The following DHRSX variants were observed in gnomAD, a reference collection of about 807,000 sequenced individuals.
DHRSX encodes the protein dehydrogenase/reductase X-linked.
DHRSX carries 31 observed loss-of-function variants against 34.0 expected under a neutral mutation model. The observed-to-expected ratio is 0.91, with a 90% CI of 0.69 to 1.23. The LOEUF is 1.23. DHRSX is among the 50% of genes most tolerant of loss of function. The pLI, the probability that DHRSX is intolerant of heterozygous loss-of-function variation, is 0.00. For missense variants in DHRSX, 414 were observed against 428.1 expected (o/e 0.97, Z 0.29); for synonymous variants, 201 against 183.8 (o/e 1.09, Z -0.76).
intron 6 of DHRSX, among the ~76,000 whole-genome samples, chrX:2,231,707 TTCC>T (rs1413566720): frequency 9.3e-5 from 14 of 149,844 alleles, no homozygotes; most frequent in Middle Eastern, 6.3e-3. Context: ...TCACTCTCTA[TTCC>T]TCTTTTTTTC....
intron 1 of DHRSX, among the ~76,000 whole-genome samples, chrX:2,469,261 C>T (rs1462563606): frequency 4.1e-5 from 6 of 146,838 alleles, no homozygotes; most frequent in Middle Eastern, 4.0e-3. Context: ...CCTAAGCATG[C>T]GGCCAAGGGA....
At chrX:2,264,714 C>T (rs1174071767) in intron 5 of DHRSX, among the ~76,000 whole-genome samples, 1 of 150,514 alleles carries the variant, frequency 6.6e-6, no homozygotes, top group African/African-American at 2.5e-5. Context: ...ACACAGAGAG[C>T]AGTGTGCCCA....
chrX:2,485,582 AGGAG>A (rs1487358829), intron 1 of DHRSX, among the ~76,000 whole-genome samples: 2 of 107,410 alleles, frequency 1.9e-5, no homozygotes, highest in Non-Finnish European at 3.6e-5. Context: ...AAAGGAAGGA[AGGAG>A]GAAGGGAGGG....
chrX:2,396,655 T>C (rs986205430), intron 3 of DHRSX, among the ~76,000 whole-genome samples: 8 of 151,934 alleles, frequency 5.3e-5, no homozygotes. Flanking sequence ...TCTGATACTT[T>C]CTGAAGACTC....
At chrX:2,269,994 C>T in intron 4 of DHRSX, among the ~76,000 whole-genome samples, 1 of 152,084 alleles carries the variant, frequency 6.6e-6, no homozygotes, top group East Asian at 1.9e-4. Context: ...TTATATGGAG[C>T]TATCTATACA....
At chrX:2,428,980 G>A (rs751091133) in intron 1 of DHRSX, among the ~76,000 whole-genome samples, 28 of 152,208 alleles carry the variant, frequency 1.8e-4, no homozygotes, top group Admixed American at 3.3e-4. Context: ...AGTATTGTGC[G>A]AACAATCCTC....
At chrX:2,276,706 G>A (rs1221549516) in intron 4 of DHRSX, among the ~76,000 whole-genome samples, 2 of 137,856 alleles carry the variant, frequency 1.5e-5, no homozygotes, top group Non-Finnish European at 3.4e-5. Context: ...TCCAGAGAAA[G>A]GAGAGTGATG....
chrX:2,310,970 A>G (rs2042157356), intron 3 of DHRSX, among the ~76,000 whole-genome samples: 1 of 151,680 alleles, frequency 6.6e-6, no homozygotes, highest in African/African-American at 2.4e-5. Flanking sequence ...CTGAGGCAGG[A>G]GAATCGCTTG....
intron 1 of DHRSX, 39 bp downstream of exon 1, chrX:2,500,778 G>T: frequency 2.2e-6 from 1 of 450,888 alleles, no homozygotes; most frequent in Non-Finnish European, 2.7e-6. Flanking sequence ...GCGCCCACCC[G>T]GGTCCCCGGA....
intron 1 of DHRSX, among the ~76,000 whole-genome samples, chrX:2,465,345 T>G (rs1439205564): frequency 6.6e-6 from 1 of 152,090 alleles, no homozygotes; most frequent in African/African-American, 2.4e-5. Flanking sequence ...TAACAGGATC[T>G]AATCGCTTTC....
At chrX:2,372,523 G>A (rs1332716060) in intron 3 of DHRSX, among the ~76,000 whole-genome samples, 4 of 152,158 alleles carry the variant, frequency 2.6e-5, no homozygotes, top group Admixed American at 2.6e-4. Flanking sequence ...CGTAAGCAGC[G>A]AAGCCCCAGA....
chrX:2,345,489 A>G (rs928000779), intron 3 of DHRSX, among the ~76,000 whole-genome samples: 2 of 151,904 alleles, frequency 1.3e-5, no homozygotes, highest in Non-Finnish European at 2.9e-5. Context: ...CCAAAAAAAT[A>G]AAAATAAATT....
At chrX:2,276,648 C>G (rs947810485) in intron 4 of DHRSX, among the ~76,000 whole-genome samples, 31 of 150,740 alleles carry the variant, frequency 2.1e-4, no homozygotes, top group Non-Finnish European at 4.1e-4. Flanking sequence ...TGAGGTGTAT[C>G]CTGAACGGGA....
chrX:2,253,551 C>T (rs1405548551), intron 5 of DHRSX, among the ~76,000 whole-genome samples: 1 of 152,262 alleles, frequency 6.6e-6, no homozygotes, highest in Non-Finnish European at 1.5e-5. Context: ...GATGGCGCCA[C>T]TGCACTCCAG....
intron 1 of DHRSX, among the ~76,000 whole-genome samples, chrX:2,480,290 T>C (rs1298969406): frequency 6.7e-6 from 1 of 150,284 alleles, no homozygotes; most frequent in African/African-American, 2.4e-5. Context: ...TATCATCTCG[T>C]ATGTAGAATC....
intron 2 of DHRSX, among the ~76,000 whole-genome samples, chrX:2,411,855 C>CA (rs1186792958): frequency 6.6e-6 from 1 of 152,064 alleles, no homozygotes; most frequent in Non-Finnish European, 1.5e-5. Flanking sequence ...CTGGGAGCAT[C>CA]AAAAAAAGCC....
At chrX:2,307,675 G>A (rs757745241) in intron 3 of DHRSX, among the ~76,000 whole-genome samples, 71 of 150,322 alleles carry the variant, frequency 4.7e-4, no homozygotes, top group African/African-American at 1.7e-3. Context: ...TGAGGCAGGA[G>A]AATGGCATGA....
At chrX:2,251,209 T>G (rs1239248679) in intron 5 of DHRSX, among the ~76,000 whole-genome samples, 1 of 152,142 alleles carries the variant, frequency 6.6e-6, no homozygotes, top group Admixed American at 6.5e-5. Flanking sequence ...CCCATCTAAT[T>G]AGGAATAAAT....
chrX:2,296,063 G>T (rs2041928335), intron 3 of DHRSX, among the ~76,000 whole-genome samples: 1 of 151,992 alleles, frequency 6.6e-6, no homozygotes, highest in Admixed American at 6.6e-5. Flanking sequence ...AAGCCACGCC[G>T]GGCATCTCTA....
Sources: gnomAD v4.1 joint callset for allele counts (sites outside exome capture counted in the v4.1 genomes callset) on GRCh38, gnomAD v4.1.1 for gene constraint, MANE v1.5 for transcripts, NCBI Gene and HGNC (gene_info 2026-07-23, HGNC 2026-07-21) for gene names.